Variants in FRAS1 observed in about 807,000 individuals in gnomAD.
The protein encoded by FRAS1 is extracellular matrix organizing protein FRAS1.
In FRAS1, 290 loss-of-function variants were observed where a neutral mutation model predicts 435.2. The ratio of observed to expected loss-of-function variants is 0.67; its 90% CI spans 0.61 to 0.73. The LOEUF (loss-of-function observed/expected upper bound fraction) is 0.73, where lower values mean the gene tolerates loss of function less well. FRAS1 is among the 30% of genes least tolerant of loss of function. FRAS1 has a pLI of 0.00. For missense variants in FRAS1, 4,860 were observed against 5,001.5 expected (o/e 0.97, Z 0.85); for synonymous variants, 1,800 against 1,851.0 (o/e 0.97, Z 0.71).
chr4:78,354,189 C>T (rs1730760151), intron 20 of FRAS1, among the ~76,000 whole-genome samples: 1 of 152,160 alleles, frequency 6.6e-6, no homozygotes, highest in Admixed American at 6.5e-5. Context: ...GTTTCCTCGG[C>T]TCCTACGGCA....
intron 1 of FRAS1, among the ~76,000 whole-genome samples, chr4:78,062,300 C>T (rs182158197): frequency 1.3e-5 from 2 of 152,302 alleles, no homozygotes; most frequent in Non-Finnish European, 2.9e-5. Context: ...TGATCTAAAT[C>T]CTAGTTGACA....
chr4:78,077,868 CTTTA>C (rs1295034180), intron 2 of FRAS1, among the ~76,000 whole-genome samples: 2 of 148,936 alleles, frequency 1.3e-5, no homozygotes, highest in African/African-American at 4.9e-5. Context: ...GGCCATGTTG[CTTTA>C]TTTATTATAC....
At chr4:78,500,463 C>G (rs976540373) in intron 61 of FRAS1, among the ~76,000 whole-genome samples, 1 of 152,226 alleles carries the variant, frequency 6.6e-6, no homozygotes, top group Admixed American at 6.5e-5. Flanking sequence ...CACTATCCCC[C>G]TTTCGGAGGA....
intron 9 of FRAS1, among the ~76,000 whole-genome samples, chr4:78,268,831 G>A (rs1288342375): frequency 6.6e-6 from 1 of 152,216 alleles, no homozygotes; most frequent in Non-Finnish European, 1.5e-5. Flanking sequence ...GGGATTAGCT[G>A]CCAAAGTGGA....
At chr4:78,273,491 A>G (rs921740822) in intron 9 of FRAS1, among the ~76,000 whole-genome samples, 2 of 152,210 alleles carry the variant, frequency 1.3e-5, no homozygotes, top group Admixed American at 6.5e-5. Flanking sequence ...ACATACCATC[A>G]ATACCTAATT....
chr4:78,341,685 G>A (rs191848601), intron 20 of FRAS1, among the ~76,000 whole-genome samples: 1 of 152,230 alleles, frequency 6.6e-6, no homozygotes, highest in Admixed American at 6.5e-5. Flanking sequence ...GGGAGAAGGA[G>A]CTTTGCAGAT....
chr4:78,457,378 TTC>T (rs1386280623), intron 47 of FRAS1, among the ~76,000 whole-genome samples: 1 of 152,146 alleles, frequency 6.6e-6, no homozygotes, highest in Non-Finnish European at 1.5e-5. Context: ...CCCCCAAATC[TTC>T]TTAATTCTGT....
At chr4:78,221,246 T>C (rs1489190807) in intron 2 of FRAS1, among the ~76,000 whole-genome samples, 1 of 152,236 alleles carries the variant, frequency 6.6e-6, no homozygotes, top group Admixed American at 6.5e-5. Flanking sequence ...AAAGGCTAAA[T>C]ATATCAAATT....
At chr4:78,429,440 G>A (rs1005999980) in intron 36 of FRAS1, among the ~76,000 whole-genome samples, 2 of 152,120 alleles carry the variant, frequency 1.3e-5, no homozygotes, top group Non-Finnish European at 2.9e-5. Flanking sequence ...GTTCAGTGGT[G>A]GAACACAACA....
chr4:78,251,918 T>TGA (rs35796361), intron 4 of FRAS1, among the ~76,000 whole-genome samples: 41,570 of 148,570 alleles, frequency 0.28, 6,392 homozygotes, highest in East Asian at 0.37. Flanking sequence ...CTGGAACAGT[T>TGA]GAGAGAGAGA....
chr4:78,311,817 A>G (rs1458420532), intron 15 of FRAS1, among the ~76,000 whole-genome samples: 1 of 152,188 alleles, frequency 6.6e-6, no homozygotes, highest in Admixed American at 6.5e-5. Flanking sequence ...GAGTTTGAGT[A>G]TATCTTCAAC....
chr4:78,256,361 G>A (rs938248736), intron 6 of FRAS1, among the ~76,000 whole-genome samples: 5 of 152,204 alleles, frequency 3.3e-5, no homozygotes, highest in Non-Finnish European at 7.3e-5. Context: ...TGTTCATAGA[G>A]TTGCACAGTG....
At chr4:78,191,919 A>G (rs1161455118) in intron 2 of FRAS1, among the ~76,000 whole-genome samples, 7 of 151,916 alleles carry the variant, frequency 4.6e-5, no homozygotes, top group Non-Finnish European at 7.4e-5. Context: ...TATGTGCCAC[A>G]TTTTCTTAAT....
chr4:78,516,015 T>C lies in FRAS1; in HGVS notation c.10389+2T>C. 6.2e-7 allele frequency: 1 copy of C among 1,611,044 alleles called. No individual in the cohort carries two copies. Among genetic ancestry groups the C allele is most frequent in the Non-Finnish European group, 8.5e-7 (1 of 1,178,130 alleles). On this transcript the variant is annotated splice_donor_variant, in intron 66 of 73. Transcript: ENST00000512123. LOFTEE classifies it high-confidence loss of function. Reference sequence around the variant, plus strand: ...GGCTCTGTAACCGCTGACTTCCAGGTAGGTGCCCCGGGGCTTGTCTGAGGA... The same window carrying C: ...GGCTCTGTAACCGCTGACTTCCAGGCAGGTGCCCCGGGGCTTGTCTGAGGA...
At chr4:78,407,639 A>G (rs925691590) in intron 30 of FRAS1, 24 bp from the exon 31 acceptor site, 12 of 1,571,908 alleles carry the variant, frequency 7.6e-6, no homozygotes, top group African/African-American at 1.4e-5. Flanking sequence ...ACCCTCACTA[A>G]CTATGTGGCC....
At chr4:78,252,304 G>A in intron 4 of FRAS1, 88 bp from the exon 5 acceptor site, 2 of 1,298,380 alleles carry the variant, frequency 1.5e-6, no homozygotes, top group Non-Finnish European at 2.2e-6. Context: ...CCTTAATTTG[G>A]ATAAGAGAAG....
chr4:78,104,029 C>T (rs1232931793), intron 2 of FRAS1, among the ~76,000 whole-genome samples: 1 of 152,182 alleles, frequency 6.6e-6, no homozygotes, highest in East Asian at 1.9e-4. Context: ...AAAGTAGCCT[C>T]CTGCATGCTT....
intron 2 of FRAS1, among the ~76,000 whole-genome samples, chr4:78,134,084 G>A (rs1265930666): frequency 6.0e-5 from 9 of 150,856 alleles, no homozygotes; most frequent in Admixed American, 2.0e-4. Flanking sequence ...TCAGCCTCCC[G>A]AGTAGCTGGG....
chr4:78,256,246 G>A (rs544463431), intron 6 of FRAS1, among the ~76,000 whole-genome samples: 29 of 152,190 alleles, frequency 1.9e-4, no homozygotes, highest in Non-Finnish European at 4.1e-4. Flanking sequence ...GTATCTAATT[G>A]AAAGACTAGA....
Sources: gnomAD v4.1 joint callset for allele counts (sites outside exome capture counted in the v4.1 genomes callset) on GRCh38, gnomAD v4.1.1 for gene constraint, MANE v1.5 for transcripts, NCBI Gene and HGNC (gene_info 2026-07-23, HGNC 2026-07-21) for gene names.